PFKFB3: variants seen among roughly 807,000 people sequenced by gnomAD.
PFKFB3 encodes 6-phosphofructo-2-kinase/fructose-2,6-biphosphatase 3, also known as 6-phosphofructo-2-kinase/fructose-2,6-bisphosphatase 3.
In PFKFB3, 33 loss-of-function variants were observed where a neutral mutation model predicts 68.0. The observed-to-expected ratio is 0.49, with a 90% CI of 0.37 to 0.65. PFKFB3 has a LOEUF of 0.65. PFKFB3 is among the 30% of genes least tolerant of loss of function. The probability of loss-of-function intolerance (pLI) is 0.00; values close to 1 mark genes in which losing one functional copy is unlikely to be tolerated. For synonymous variants in PFKFB3, 315 were observed against 288.2 expected (o/e 1.09, Z -0.94); for missense variants, 586 against 712.2 (o/e 0.82, Z 2.02).
downstream of PFKFB3, among the ~76,000 whole-genome samples, chr10:6,237,689 C>G (rs186352508): frequency 8.1e-4 from 124 of 152,198 alleles, 2 homozygotes; most frequent in East Asian, 0.021. Flanking sequence ...CCTCTGCCTC[C>G]CGAGTAGCTG....
chr10:6,178,807 C>G (rs1384181751), intron 1 of PFKFB3, among the ~76,000 whole-genome samples: 1 of 152,240 alleles, frequency 6.6e-6, no homozygotes, highest in African/African-American at 2.4e-5. Context: ...CCACCTGCCC[C>G]TCGGCCCCAA....
chr10:6,291,127 G>T, the PFKFB3 span, among the ~76,000 whole-genome samples: 2 of 152,076 alleles, frequency 1.3e-5, no homozygotes, highest in African/African-American at 4.8e-5. Context: ...AGTTTGCAAG[G>T]AGGAATCAGG....
intron 13 of PFKFB3, chr10:6,225,196 A>T (rs779045603): frequency 2.4e-5 from 11 of 456,202 alleles, no homozygotes; most frequent in African/African-American, 1.6e-4. Context: ...AGTACTAGTC[A>T]GACCTTTCTC....
At chr10:6,196,896 C>T (rs1159371832) in intron 1 of PFKFB3, among the ~76,000 whole-genome samples, 5 of 152,000 alleles carry the variant, frequency 3.3e-5, no homozygotes, top group East Asian at 3.8e-4. Flanking sequence ...CCCCCCGTCA[C>T]GCTCCCAAAG....
At chr10:6,200,835 C>T (rs1161865483), upstream of PFKFB3, among the ~76,000 whole-genome samples, 1 of 152,174 alleles carries the variant, frequency 6.6e-6, no homozygotes, top group Non-Finnish European at 1.5e-5. Flanking sequence ...TTCAGCTGGA[C>T]CTCCGGGACA....
rs191724850 is a variant in PFKFB3, at chr10:6,242,868, G to A, written c.1516-11310G>A. ...CTCTCAAAGTGTTGGGATTACAGGCGTGAGCCACTGCGCCCGGCCTAAACA... is the reference window on the plus strand; with the variant it reads ...CTCTCAAAGTGTTGGGATTACAGGCATGAGCCACTGCGCCCGGCCTAAACA... On this transcript the variant is annotated intron_variant, in intron 14 of 14. Transcript: ENST00000640683. Among the ~76,000 whole-genome samples, 559 of 152,318 alleles carry A rather than the reference G, an allele frequency of 3.7e-3. 3 individuals carry two copies. The highest frequency in any genetic ancestry group is 6.7e-3 in the Non-Finnish European group (456 of 68,038).
the PFKFB3 span, among the ~76,000 whole-genome samples, chr10:6,284,028 C>G: frequency 6.6e-6 from 1 of 152,184 alleles, no homozygotes; most frequent in African/African-American, 2.4e-5. Context: ...TGAGTTGACT[C>G]ACAATACATC....
At chr10:6,265,905 T>C in the PFKFB3 span, among the ~76,000 whole-genome samples, 2 of 152,040 alleles carry the variant, frequency 1.3e-5, no homozygotes, top group African/African-American at 4.8e-5. Flanking sequence ...TTTTTGTTTT[T>C]CTATTTATTA....
intron 1 of PFKFB3, among the ~76,000 whole-genome samples, chr10:6,159,862 A>G (rs117174838): frequency 0.011 from 1,630 of 151,884 alleles, 66 homozygotes; most frequent in East Asian, 0.099. Context: ...AGGCTCAAGC[A>G]ATCCCCCCAC....
chr10:6,306,146 G>A, the PFKFB3 span, among the ~76,000 whole-genome samples: 33 of 152,148 alleles, frequency 2.2e-4, no homozygotes, highest in Admixed American at 4.6e-4. Context: ...TGATCCTCCC[G>A]CCTGGGCCTC....
chr10:6,257,610 T>G (rs1427809647), downstream of PFKFB3, among the ~76,000 whole-genome samples: 1 of 152,124 alleles, frequency 6.6e-6, no homozygotes, highest in African/African-American at 2.4e-5. Flanking sequence ...GAAAAAACAT[T>G]ACAGTCCACT....
Position 6,225,310 on chromosome 10 carries a change from G to A in PFKFB3, c.1342-882G>A, listed in dbSNP as rs577063864. 107 of 421,876 alleles carry A rather than the reference G, an allele frequency of 2.5e-4. 2 individuals are homozygous for A. Among genetic ancestry groups the A allele is most frequent in the South Asian group, 1.6e-3 (96 of 60,708 alleles). 26.1% of individuals were successfully genotyped at this position (421,876 alleles called of 1,614,324 possible). The stretch of plus-strand genomic sequence containing the variant: ...TTTGGCATGAAGGGATGAGGTGTCC[G>A]CCCCAGTCGCTGGCAGTTGCCTGGC... On this transcript the variant is annotated intron_variant, in intron 13 of 14. Transcript: ENST00000379775.
At chr10:6,194,933 C>T (rs896201796) in intron 1 of PFKFB3, among the ~76,000 whole-genome samples, 6 of 150,798 alleles carry the variant, frequency 4.0e-5, no homozygotes, top group Non-Finnish European at 7.4e-5. Flanking sequence ...AATGCAGTGG[C>T]GCAATCTCGG....
chr10:6,213,577 T>TC (rs1186410591), intron 1 of PFKFB3, 46 bp from the exon 2 acceptor site: 1 of 1,585,742 alleles, frequency 6.3e-7, no homozygotes, highest in Non-Finnish European at 8.6e-7. Flanking sequence ...GCTCCTCTTC[T>TC]CCGGTCACTT....
intron 1 of PFKFB3, among the ~76,000 whole-genome samples, chr10:6,157,258 G>A (rs553620581): frequency 2.0e-4 from 29 of 148,302 alleles, no homozygotes; most frequent in Admixed American, 5.4e-4. Flanking sequence ...ACGGAGTCTC[G>A]CTCTGTTGCC....
chr10:6,203,049 C>T lies in PFKFB3; in HGVS notation c.-212C>T, dbSNP rs1843438213. 1.4e-6 allele frequency: 2 copies of T among 1,382,896 alleles called. No homozygotes were observed. Among genetic ancestry groups the T allele is most frequent in the Admixed American group, 3.3e-5 (1 of 30,126 alleles). The allele number at this position is 1,382,896 out of a possible 1,614,324, so 85.7% of individuals were successfully genotyped here. A position where few individuals can be genotyped will look rare whatever the true frequency, so the allele number is the denominator to read the frequency against. ...AGCCGGCCGTGCCGGGCATCCCCAG[C>T]CTCGCTACCCTCGCAGCACACGTCG... On this transcript the variant is annotated 5_prime_UTR_variant, in exon 1 of 15. Coordinates refer to ENST00000379775, the MANE Select transcript of PFKFB3 (RefSeq NM_004566.4).
the PFKFB3 span, among the ~76,000 whole-genome samples, chr10:6,287,290 A>G: frequency 6.6e-6 from 1 of 151,996 alleles, no homozygotes; most frequent in Non-Finnish European, 1.5e-5. Context: ...GGGTTTCACC[A>G]TGTTGGCTGG....
At chr10:6,314,997 A>T in the PFKFB3 span, among the ~76,000 whole-genome samples, 1 of 151,774 alleles carries the variant, frequency 6.6e-6, no homozygotes, top group Non-Finnish European at 1.5e-5. Context: ...CCCTGCAGGG[A>T]CTCTCCCTCA....
intron 14 of PFKFB3, among the ~76,000 whole-genome samples, chr10:6,252,327 T>A (rs1163147079): frequency 6.6e-6 from 1 of 152,238 alleles, no homozygotes; most frequent in African/African-American, 2.4e-5. Context: ...GCGATTTTTT[T>A]CTTTTGATGT....
Sources: allele counts gnomAD v4.1 joint callset (sites outside exome capture counted in the v4.1 genomes callset), GRCh38; gene constraint gnomAD v4.1.1; transcripts MANE v1.5; gene names NCBI Gene and HGNC (gene_info 2026-07-23, HGNC 2026-07-21).